CLIP2: variants seen among roughly 807,000 people sequenced by gnomAD.
The protein encoded by CLIP2 is CAP-Gly domain-containing linker protein 2.
CLIP2 carries 41 observed loss-of-function variants against 111.7 expected under a neutral mutation model. That is an observed-to-expected ratio of 0.37 (90% confidence interval 0.29 to 0.48). The LOEUF is 0.48. Among genes scored for constraint, CLIP2 ranks in the 20% least tolerant of loss-of-function variants. CLIP2 has a pLI of 0.99. For missense variants in CLIP2, 1,160 were observed against 1,422.1 expected, an observed-to-expected ratio of 0.82 and a Z score of 2.96; for synonymous variants, 660 against 644.2, an observed-to-expected ratio of 1.02 and a Z score of -0.37.
rs575318305 is a variant in CLIP2 at position 74,359,775 on chromosome 7, G to A, written c.1216-400G>A. On this transcript the variant is annotated intron_variant, in intron 6 of 16. Transcript: ENST00000223398. ...GTTTTTTCTCTGATGTTTGTCTCCC[G>A]TGGGAGAGTTCCCTTCTGGGCCTCT... Among the ~76,000 whole-genome samples, 19 of 152,308 alleles carry A rather than the reference G, an allele frequency of 1.2e-4. 1 individual carries two copies. Among genetic ancestry groups the A allele is most frequent in the East Asian group, 1.2e-3 (6 of 5,184 alleles).
In CLIP2 at chr7:74,372,898, C is replaced by T. The variant is rs782785004; in HGVS notation, c.1381-34C>T. The T allele has an allele frequency of 2.3e-5, 18 of 774,264 alleles. No individual in the cohort carries two copies. In the South Asian group the frequency reaches 2.5e-4, roughly 11 times the overall value. The allele number at this position is 774,264 out of a possible 1,614,324, so 48.0% of individuals were successfully genotyped here. ...GCCCCCCTCCCTGCGTCCCCGCCCC[C>T]ACCCCCCCACCGTGTCCACCCTGGG... On this transcript the variant is annotated intron_variant, in intron 8 of 16. Transcript: ENST00000223398.
intron 1 of CLIP2, among the ~76,000 whole-genome samples, chr7:74,292,934 A>G (rs1478626896): frequency 6.6e-6 from 1 of 152,174 alleles, no homozygotes; most frequent in Non-Finnish European, 1.5e-5. Flanking sequence ...CCTTTTGCTC[A>G]GGTGCAAAGT....
intron 8 of CLIP2, among the ~76,000 whole-genome samples, chr7:74,366,693 G>A (rs547693975): frequency 3.3e-5 from 5 of 152,118 alleles, no homozygotes; most frequent in East Asian, 3.9e-4. Flanking sequence ...CCTGGCCAAC[G>A]TGGTGAAACA....
intron 1 of CLIP2, among the ~76,000 whole-genome samples, chr7:74,316,148 C>T (rs1198447066): frequency 6.6e-6 from 1 of 151,112 alleles, no homozygotes; most frequent in African/African-American, 2.4e-5. Flanking sequence ...TTTTCTTTTC[C>T]TGTGTTAGTT....
At chr7:74,315,262 C>T (rs138759750) in intron 1 of CLIP2, among the ~76,000 whole-genome samples, 2 of 151,726 alleles carry the variant, frequency 1.3e-5, no homozygotes, top group East Asian at 1.9e-4. Context: ...GGCGAGAGAG[C>T]GAGAGTCCGT....
intron 13 of CLIP2, among the ~76,000 whole-genome samples, chr7:74,396,583 C>T (rs1351242779): frequency 3.3e-5 from 5 of 152,248 alleles, no homozygotes; most frequent in East Asian, 1.9e-4. Context: ...TGCAATGGCA[C>T]GATCTTGGCT....
At chr7:74,298,247 G>A (rs1378461351) in intron 1 of CLIP2, among the ~76,000 whole-genome samples, 3 of 151,876 alleles carry the variant, frequency 2.0e-5, no homozygotes, top group African/African-American at 7.3e-5. Context: ...GTGCAGTAGC[G>A]TGATCTAAGC....
At chr7:74,308,452 C>T (rs1244700897) in intron 1 of CLIP2, among the ~76,000 whole-genome samples, 1 of 152,146 alleles carries the variant, frequency 6.6e-6, no homozygotes, top group Non-Finnish European at 1.5e-5. Flanking sequence ...GACTTCTCAC[C>T]TCTTGGGTAA....
chr7:74,298,778 C>T (rs1554726386), intron 1 of CLIP2, among the ~76,000 whole-genome samples: 1 of 151,902 alleles, frequency 6.6e-6, no homozygotes, highest in African/African-American at 2.4e-5. Context: ...AGGTGATTGT[C>T]ACCGCCAGCC....
At chr7:74,296,172 C>T (rs569399866) in intron 1 of CLIP2, among the ~76,000 whole-genome samples, 123 of 150,448 alleles carry the variant, frequency 8.2e-4, no homozygotes, top group Non-Finnish European at 1.1e-3. Context: ...GAGAAGACAG[C>T]CATCTACACG....
intron 14 of CLIP2, among the ~76,000 whole-genome samples, chr7:74,399,863 T>C (rs926280422): frequency 2.0e-5 from 3 of 151,026 alleles, no homozygotes; most frequent in Non-Finnish European, 4.4e-5. Flanking sequence ...TTAATTATTT[T>C]TAAAGGCAAG....
intron 1 of CLIP2, among the ~76,000 whole-genome samples, chr7:74,297,004 CA>C (rs1306735628): frequency 6.6e-6 from 1 of 152,156 alleles, no homozygotes; most frequent in East Asian, 1.9e-4. Context: ...ACTTGCTGAT[CA>C]GCAGTGGGTC....
intron 13 of CLIP2, among the ~76,000 whole-genome samples, chr7:74,394,582 T>A (rs2116701599): frequency 6.6e-6 from 1 of 152,320 alleles, no homozygotes; most frequent in East Asian, 1.9e-4. Context: ...GTTAAAGGAA[T>A]CTCTTTGAAG....
chr7:74,365,430 C>T (rs140373231), intron 8 of CLIP2, among the ~76,000 whole-genome samples: 18 of 152,316 alleles, frequency 1.2e-4, no homozygotes, highest in African/African-American at 4.3e-4. Context: ...TGAGGTCAGG[C>T]TCCTCCTGTC....
intron 8 of CLIP2, chr7:74,364,841 G>A (rs1554310499): frequency 4.4e-6 from 2 of 454,778 alleles, no homozygotes; most frequent in Non-Finnish European, 4.4e-6. Flanking sequence ...GGGCAACGTA[G>A]CAAGATCCCA....
chr7:74,380,932 TGGGTCACA>T, intron 11 of CLIP2, 69 bp downstream of exon 11: 1 of 1,490,598 alleles, frequency 6.7e-7, no homozygotes, highest in South Asian at 1.1e-5. Flanking sequence ...GCCTTCCTGC[TGGGTCACA>T]TTTTGGTTTG....
chr7:74,339,968 C>T (rs1416598934), intron 3 of CLIP2, among the ~76,000 whole-genome samples: 2 of 151,966 alleles, frequency 1.3e-5, no homozygotes, highest in African/African-American at 4.8e-5. Context: ...GTGGCATGAC[C>T]CTGTACTCCC....
At chr7:74,372,196 C>G (rs1465560680) in intron 8 of CLIP2, among the ~76,000 whole-genome samples, 1 of 152,036 alleles carries the variant, frequency 6.6e-6, no homozygotes, top group Non-Finnish European at 1.5e-5. Flanking sequence ...CAGATATTGT[C>G]GAGCTGGGAC....
intron 8 of CLIP2, chr7:74,364,910 C>G (rs1188376744): frequency 4.4e-6 from 2 of 454,740 alleles, no homozygotes; most frequent in Non-Finnish European, 8.8e-6. Context: ...GTGGTCCCAG[C>G]TACTCAGGGA....
Sources: gnomAD v4.1 joint callset for allele counts (sites outside exome capture counted in the v4.1 genomes callset) on GRCh38, gnomAD v4.1.1 for gene constraint, MANE v1.5 for transcripts, NCBI Gene and HGNC (gene_info 2026-07-23, HGNC 2026-07-21) for gene names.